The following SYN3 variants were observed in gnomAD, a reference collection of about 807,000 sequenced individuals.
SYN3 encodes the protein synapsin III.
In SYN3, 35 loss-of-function variants were observed where a neutral mutation model predicts 65.8. That is an observed-to-expected ratio of 0.53 (90% CI 0.41 to 0.70). The LOEUF (loss-of-function observed/expected upper bound fraction) is 0.70. Ranked by LOEUF, SYN3 falls within the 30% of genes least tolerant of loss-of-function variation. The pLI is 0.00. For missense variants in SYN3, 680 were observed against 749.0 expected (o/e 0.91, Z 1.08); for synonymous variants, 270 against 292.9 (o/e 0.92, Z 0.80).
At chr22:32,664,629 C>T (rs1388453744) in intron 6 of SYN3, among the ~76,000 whole-genome samples, 1 of 126,276 alleles carries the variant, frequency 7.9e-6, no homozygotes, top group Non-Finnish European at 1.6e-5. Flanking sequence ...CTCGCTCTGT[C>T]GCCCAGGCTG....
At chr22:32,981,405 G>C (rs1357838795) in intron 2 of SYN3, among the ~76,000 whole-genome samples, 1 of 151,522 alleles carries the variant, frequency 6.6e-6, no homozygotes, top group Admixed American at 6.6e-5. Flanking sequence ...GACCAACATG[G>C]AGAAACCCCA....
At chr22:32,548,385 T>C (rs1172574838) in intron 7 of SYN3, among the ~76,000 whole-genome samples, 1 of 152,030 alleles carries the variant, frequency 6.6e-6, no homozygotes, top group African/African-American at 2.4e-5. Flanking sequence ...TTTATTATTA[T>C]TTTTTTGAGA....
chr22:32,760,853 G>C (rs1254341820), intron 6 of SYN3, among the ~76,000 whole-genome samples: 1 of 152,212 alleles, frequency 6.6e-6, no homozygotes, highest in Non-Finnish European at 1.5e-5. Flanking sequence ...GTATATTTGA[G>C]AGTGAGATGC....
intron 6 of SYN3, among the ~76,000 whole-genome samples, chr22:32,684,909 A>T (rs915114895): frequency 3.3e-5 from 5 of 152,174 alleles, no homozygotes; most frequent in Admixed American, 3.3e-4. Context: ...TGCCCTATCT[A>T]ATTCTCAAGA....
chr22:32,604,998 T>C (rs1444101680), intron 6 of SYN3, among the ~76,000 whole-genome samples: 2 of 116,468 alleles, frequency 1.7e-5, no homozygotes, highest in Non-Finnish European at 1.7e-5. Context: ...AGAGCGAGAC[T>C]CCATCTCAGA....
rs370879773 is a variant in SYN3, at chr22:32,988,288, A to C, written c.312-7586T>G. Among the ~76,000 whole-genome samples the C allele has an allele frequency of 2.7e-5, 4 of 148,908 alleles. No individual in the cohort carries two copies. The South Asian group carries it at 8.6e-4, about 32-fold the overall frequency. On this transcript the variant is annotated intron_variant, in intron 2 of 13. Coordinates refer to ENST00000358763, the MANE Select transcript of SYN3 (RefSeq NM_003490.4). Reference sequence around the variant, plus strand: ...CGCCACTGCACTCCAGTCTGGCAACAGAGCAAGACTCTGTCTCAAAATAAT... The same window carrying C: ...CGCCACTGCACTCCAGTCTGGCAACCGAGCAAGACTCTGTCTCAAAATAAT...
At chr22:32,922,318 T>C (rs2050355623) in intron 4 of SYN3, among the ~76,000 whole-genome samples, 1 of 152,164 alleles carries the variant, frequency 6.6e-6, no homozygotes, top group African/African-American at 2.4e-5. Flanking sequence ...CATTACCCCA[T>C]CCATTGGTGT....
intron 4 of SYN3, among the ~76,000 whole-genome samples, chr22:32,911,646 G>A (rs2146583331): frequency 6.6e-6 from 1 of 152,204 alleles, no homozygotes; most frequent in Middle Eastern, 3.4e-3. Context: ...CTCCGAGGGT[G>A]GTAATAAAAG....
intron 6 of SYN3, among the ~76,000 whole-genome samples, chr22:32,847,390 C>T (rs1197541246): frequency 1.3e-5 from 2 of 152,156 alleles, no homozygotes; most frequent in African/African-American, 2.4e-5. Context: ...TGGAAACAAC[C>T]ACTCGCCTCC....
chr22:32,569,400 A>AATCTATCT (rs60525962), intron 7 of SYN3, among the ~76,000 whole-genome samples: 9,151 of 143,964 alleles, frequency 0.064, 323 homozygotes, highest in South Asian at 0.091. Context: ...CTCCATCCAA[A>AATCTATCT]ATCTATCTAT....
chr22:32,617,241 A>T (rs16990852), intron 6 of SYN3, among the ~76,000 whole-genome samples: 14,515 of 151,824 alleles, frequency 0.096, 1,537 homozygotes, highest in African/African-American at 0.26. Flanking sequence ...AAAAAGAAGG[A>T]CCCTCCTCAT....
At chr22:32,601,821 G>C (rs911988951) in intron 6 of SYN3, among the ~76,000 whole-genome samples, 3 of 152,198 alleles carry the variant, frequency 2.0e-5, no homozygotes, top group African/African-American at 7.2e-5. Flanking sequence ...TGCTAGTGGT[G>C]ACTGAAGGGC....
At chr22:32,866,656 C>T (rs916923800) in intron 5 of SYN3, among the ~76,000 whole-genome samples, 7 of 152,086 alleles carry the variant, frequency 4.6e-5, no homozygotes, top group Non-Finnish European at 8.8e-5. Flanking sequence ...TTGCTACTAT[C>T]GTGATAACTG....
intron 6 of SYN3, among the ~76,000 whole-genome samples, chr22:32,705,785 G>C (rs1004401388): frequency 6.6e-6 from 1 of 152,222 alleles, no homozygotes; most frequent in African/African-American, 2.4e-5. Flanking sequence ...CTGGTTAGCT[G>C]TATTCCTAGG....
intron 3 of SYN3, among the ~76,000 whole-genome samples, chr22:32,940,025 G>T (rs993568025): frequency 2.6e-5 from 4 of 152,144 alleles, no homozygotes; most frequent in Non-Finnish European, 5.9e-5. Flanking sequence ...TATTGTCAAA[G>T]TTTTTAATTT....
At chr22:32,753,687 A>G (rs1463063370) in intron 6 of SYN3, among the ~76,000 whole-genome samples, 1 of 152,246 alleles carries the variant, frequency 6.6e-6, no homozygotes, top group Non-Finnish European at 1.5e-5. Flanking sequence ...GATTTATCCC[A>G]TACACTTAAC....
At chr22:32,956,061 T>TAA (rs1556033101) in intron 3 of SYN3, among the ~76,000 whole-genome samples, 10 of 142,918 alleles carry the variant, frequency 7.0e-5, no homozygotes, top group Admixed American at 2.9e-4. Flanking sequence ...TATATATATA[T>TAA]AAAATCTCCT....
At chr22:32,529,114 C>A in intron 10 of SYN3, 106 bp from the exon 11 acceptor site, 1 of 1,409,058 alleles carries the variant, frequency 7.1e-7, no homozygotes, top group Non-Finnish European at 9.8e-7. Flanking sequence ...GAAGTGACCA[C>A]CAGATGGCGA....
intron 6 of SYN3, 155 bp downstream of exon 6, chr22:32,864,760 A>G: frequency 1.6e-6 from 1 of 644,798 alleles, no homozygotes; most frequent in Non-Finnish European, 2.7e-6. Context: ...TAGGAAATCC[A>G]GGCACTCCCA....
Sources: allele counts gnomAD v4.1 joint callset (sites outside exome capture counted in the v4.1 genomes callset), GRCh38; gene constraint gnomAD v4.1.1; transcripts MANE v1.5; gene names NCBI Gene and HGNC (gene_info 2026-07-23, HGNC 2026-07-21).